The following SAXO5 variants were observed in gnomAD, a reference collection of about 807,000 sequenced individuals.
The protein encoded by SAXO5 is stabilizer of axonemal microtubules 5, also known as testis expressed 45.
At chr19:7,505,500 T>C in the SAXO5 span, 1 of 1,613,920 alleles carries the variant, frequency 6.2e-7, no homozygotes, top group Non-Finnish European at 8.5e-7. Flanking sequence ...GCTCTGCACC[T>C]GTTCCGCTTC....
At chr19:7,500,960 C>T in the SAXO5 span, 3 of 1,566,714 alleles carry the variant, frequency 1.9e-6, no homozygotes, top group Non-Finnish European at 2.6e-6. Context: ...CGCACCGGGA[C>T]TTTGCCTACC....
chr19:7,507,549 T>C, the SAXO5 span, among the ~76,000 whole-genome samples: 1 of 151,162 alleles, frequency 6.6e-6, no homozygotes, highest in Non-Finnish European at 1.5e-5. Flanking sequence ...CATTGCACTC[T>C]GGGCTGGGCA....
chr19:7,507,189 T>A, the SAXO5 span: 2 of 1,488,126 alleles, frequency 1.3e-6, no homozygotes, highest in Non-Finnish European at 1.9e-6. Flanking sequence ...ACCCCCACAT[T>A]GGTGTAGAGT....
chr19:7,507,035 C>A, the SAXO5 span: 1 of 1,608,722 alleles, frequency 6.2e-7, no homozygotes, highest in African/African-American at 1.3e-5. Flanking sequence ...CTCACTCAGC[C>A]TCCCCAACCT....
chr19:7,504,209 C>T, the SAXO5 span: 1 of 1,613,986 alleles, frequency 6.2e-7, no homozygotes, highest in East Asian at 2.2e-5. Flanking sequence ...GCCCACCTGC[C>T]TTGAGGTGTA....
chr19:7,507,156 G>T, the SAXO5 span: 1 of 1,609,188 alleles, frequency 6.2e-7, no homozygotes, highest in South Asian at 1.1e-5. Context: ...GGGAGGCGGA[G>T]GGGAGCCACC....
the SAXO5 span, chr19:7,501,454 C>G: frequency 9.9e-6 from 14 of 1,413,916 alleles, no homozygotes; most frequent in African/African-American, 1.5e-5. Flanking sequence ...GGTTCTCAAA[C>G]AGGGGCAAGG....
the SAXO5 span, among the ~76,000 whole-genome samples, chr19:7,497,949 G>A: frequency 6.6e-6 from 1 of 151,974 alleles, no homozygotes; most frequent in Non-Finnish European, 1.5e-5. Context: ...CTAGGAGTTC[G>A]AGACCAGGCT....
chr19:7,505,506 G>C, the SAXO5 span: 1 of 1,613,982 alleles, frequency 6.2e-7, no homozygotes, highest in African/African-American at 1.3e-5. Context: ...CACCTGTTCC[G>C]CTTCTGGCAG....
At chr19:7,506,411 T>C in the SAXO5 span, 1 of 509,774 alleles carries the variant, frequency 2.0e-6, no homozygotes, top group Non-Finnish European at 3.5e-6. Context: ...GAACCCCAAC[T>C]CTGCTCCTGG....
the SAXO5 span, chr19:7,507,117 G>A: frequency 9.3e-4 from 1,504 of 1,614,004 alleles, no homozygotes; most frequent in Non-Finnish European, 8.1e-4. Context: ...CTCCGGCCCC[G>A]GTGACTGAAG....
At chr19:7,500,838 C>A in the SAXO5 span, 22 of 1,516,426 alleles carry the variant, frequency 1.5e-5, no homozygotes, top group African/African-American at 3.2e-4. Flanking sequence ...CACAGGCGCC[C>A]TCCTGCCGTG....
At chr19:7,504,229 A>G in the SAXO5 span, 114 of 1,614,040 alleles carry the variant, frequency 7.1e-5, 2 homozygotes, top group South Asian at 1.2e-3. Flanking sequence ...AAGAGGGTAA[A>G]TTGAGGCTGT....
At chr19:7,504,073 A>C in the SAXO5 span, 13 of 804,862 alleles carry the variant, frequency 1.6e-5, no homozygotes, top group East Asian at 3.0e-5. Context: ...GATGGCAGGG[A>C]ATCTCAATCT....
At chr19:7,498,066 G>A in the SAXO5 span, among the ~76,000 whole-genome samples, 3 of 150,850 alleles carry the variant, frequency 2.0e-5, no homozygotes, top group South Asian at 2.1e-4. Flanking sequence ...TGGGAGAATC[G>A]CTTGAATCCA....
At chr19:7,505,397 A>C in the SAXO5 span, 3 of 1,614,194 alleles carry the variant, frequency 1.9e-6, no homozygotes, top group Non-Finnish European at 2.5e-6. Flanking sequence ...CTTCCGCGAC[A>C]GGACCACCAA....
At chr19:7,504,257 G>A in the SAXO5 span, 59 of 1,613,670 alleles carry the variant, frequency 3.7e-5, no homozygotes, top group Admixed American at 9.0e-4. Context: ...CTGCAGGCGG[G>A]GGCAGAATTG....
the SAXO5 span, chr19:7,504,273 T>C: frequency 6.2e-7 from 1 of 1,613,342 alleles, no homozygotes; most frequent in African/African-American, 1.3e-5. Flanking sequence ...AATTGGGGGC[T>C]GGGTGGTTTG....
chr19:7,501,504 T>TTCCCC, the SAXO5 span: 1 of 1,278,938 alleles, frequency 7.8e-7, no homozygotes, highest in Admixed American at 3.9e-5. Context: ...TTTGGCAATG[T>TTCCCC]CTGGAAACGC....
Sources: allele counts gnomAD v4.1 joint callset (sites outside exome capture counted in the v4.1 genomes callset), GRCh38; gene constraint gnomAD v4.1.1; transcripts MANE v1.5; gene names NCBI Gene and HGNC (gene_info 2026-07-23, HGNC 2026-07-21).